Variants in PTPRD observed in about 807,000 individuals in gnomAD.
PTPRD encodes the protein protein tyrosine phosphatase receptor type D, also known as receptor-type tyrosine-protein phosphatase delta.
A neutral mutation model predicts 214.5 loss-of-function variants in PTPRD; 34 were observed. That is an observed-to-expected ratio of 0.16 (90% CI 0.12 to 0.21). The LOEUF (loss-of-function observed/expected upper bound fraction) is 0.21, where lower values mean the gene tolerates loss of function less well. Ranked by LOEUF, PTPRD falls within the 10% of genes least tolerant of loss-of-function variation. The pLI is 1.00. For synonymous variants in PTPRD, 1,128 were observed against 845.7 expected, an observed-to-expected ratio of 1.33 and a Z score of -5.79; for missense variants, 2,545 against 2,398.7, an observed-to-expected ratio of 1.06 and a Z score of -1.27.
At chr9:9,539,578 G>A (rs1015349170) in intron 8 of PTPRD, among the ~76,000 whole-genome samples, 2 of 151,748 alleles carry the variant, frequency 1.3e-5, no homozygotes, top group Admixed American at 6.6e-5. Context: ...GAAACACGCT[G>A]TCTTTAACTA....
chr9:8,532,422 G>A (rs2075946226), intron 14 of PTPRD, among the ~76,000 whole-genome samples: 1 of 151,892 alleles, frequency 6.6e-6, no homozygotes, highest in Non-Finnish European at 1.5e-5. Context: ...AATTTTGACG[G>A]CTCCTCAAAT....
intron 5 of PTPRD, among the ~76,000 whole-genome samples, chr9:9,928,949 C>T (rs1056380289): frequency 3.3e-5 from 5 of 152,184 alleles, no homozygotes; most frequent in African/African-American, 9.6e-5. Flanking sequence ...TTCACAAATA[C>T]AGTAGTTGAT....
In PTPRD at chr9:8,917,249, C is replaced by T. The variant is rs1351824460; in HGVS notation, c.-104+101448G>A. ...GTTCAAGTGATTCTCCTGCCTCAGCCTCCCGAGTAGCTGGGATTACAGGTG... is the reference window on the plus strand; with the variant it reads ...GTTCAAGTGATTCTCCTGCCTCAGCTTCCCGAGTAGCTGGGATTACAGGTG... On this transcript the variant is annotated intron_variant, in intron 11 of 45. Transcript: ENST00000381196. Among the ~76,000 whole-genome samples, 9 of 151,138 alleles carry T rather than the reference C, an allele frequency of 6.0e-5. No homozygotes were observed. In the South Asian group the frequency reaches 6.3e-4, roughly 11 times the overall value.
At chr9:8,588,785 C>T (rs139475759) in intron 14 of PTPRD, among the ~76,000 whole-genome samples, 8 of 152,218 alleles carry the variant, frequency 5.3e-5, no homozygotes, top group Non-Finnish European at 7.4e-5. Context: ...TCAATTTCTT[C>T]ATCAACCAGC....
At chr9:10,066,836 A>T (rs958833192) in intron 3 of PTPRD, among the ~76,000 whole-genome samples, 1 of 151,864 alleles carries the variant, frequency 6.6e-6, no homozygotes, top group East Asian at 1.9e-4. Flanking sequence ...GTGTACTCAT[A>T]TATTCTCACA....
chr9:9,925,366 T>C lies in PTPRD; in HGVS notation c.-368+13141A>G, dbSNP rs189208319. Among the ~76,000 whole-genome samples, 344 of 152,180 alleles carry C rather than the reference T, an allele frequency of 2.3e-3. 5 individuals are homozygous for C. Among genetic ancestry groups the C allele is most frequent in the African/African-American group, 8.1e-3 (336 of 41,538 alleles). ...TATAGTCAAAGTTGAGTTTTTAAGG[T>C]AATATGTCATCTCTAACAGGAGGGT... On this transcript the variant is annotated intron_variant, in intron 5 of 45. Transcript: ENST00000381196.
At chr9:9,744,486 A>G (rs576477765) in intron 6 of PTPRD, among the ~76,000 whole-genome samples, 10 of 152,240 alleles carry the variant, frequency 6.6e-5, no homozygotes, top group African/African-American at 9.6e-5. Flanking sequence ...ACTTACCTCA[A>G]TTTAGTTCAA....
chr9:10,073,120 G>A (rs57919518), intron 3 of PTPRD, among the ~76,000 whole-genome samples: 9,265 of 152,062 alleles, frequency 0.061, 839 homozygotes, highest in African/African-American at 0.19. Flanking sequence ...GGTTATATGG[G>A]GTTTAGTGGA....
chr9:9,111,407 A>G lies in PTPRD; in HGVS notation c.-143+71897T>C, dbSNP rs1254597831. 4.0e-5 allele frequency among the ~76,000 whole-genome samples: 6 copies of G among 151,838 alleles called. No individual in the cohort carries two copies. In the East Asian group the frequency reaches 9.7e-4, roughly 25 times the overall value. On this transcript the variant is annotated intron_variant, in intron 10 of 45. Coordinates refer to ENST00000381196, the MANE Select transcript of PTPRD (RefSeq NM_002839.4). ...AATCTTCTGATCGCCGCCTTCCTAG[A>G]TGGTTTTTCTGTGCCTGCTGGGTGA...
intron 3 of PTPRD, among the ~76,000 whole-genome samples, chr9:10,169,142 T>C (rs182857197): frequency 1.2e-3 from 189 of 152,210 alleles, no homozygotes; most frequent in African/African-American, 4.4e-3. Flanking sequence ...CCCATTAATG[T>C]ATTGATGTCC....
At chr9:8,890,198 C>T (rs2098526993) in intron 11 of PTPRD, among the ~76,000 whole-genome samples, 1 of 152,114 alleles carries the variant, frequency 6.6e-6, no homozygotes, top group South Asian at 2.1e-4. Flanking sequence ...CATGTATGCC[C>T]TTTATCAAGG....
At chr9:9,137,821 G>A (rs563018334) in intron 10 of PTPRD, among the ~76,000 whole-genome samples, 36 of 152,162 alleles carry the variant, frequency 2.4e-4, no homozygotes, top group African/African-American at 8.4e-4. Flanking sequence ...CAAAGAGCAG[G>A]GAATAAAGTT....
At chr9:10,584,907 G>C (rs2132577796) in intron 2 of PTPRD, among the ~76,000 whole-genome samples, 1 of 152,236 alleles carries the variant, frequency 6.6e-6, no homozygotes, top group Middle Eastern at 3.4e-3. Context: ...TCATATGTTA[G>C]ATGCACCTTT....
chr9:9,557,240 G>A (rs1402450551), intron 8 of PTPRD, among the ~76,000 whole-genome samples: 4 of 152,126 alleles, frequency 2.6e-5, no homozygotes, highest in African/African-American at 7.2e-5. Flanking sequence ...GGGGAAGGGT[G>A]TCCAGACATA....
chr9:9,000,352 G>A (rs374895615), intron 11 of PTPRD, among the ~76,000 whole-genome samples: 56 of 152,084 alleles, frequency 3.7e-4, no homozygotes, highest in African/African-American at 1.3e-3. Context: ...CTCTTTCAAT[G>A]TGCAATAGGG....
Position 10,192,800 on chromosome 9 carries a change from A to G in PTPRD, c.-545+148163T>C, listed in dbSNP as rs75554445. Among the ~76,000 whole-genome samples, 951 of 152,268 alleles carry G rather than the reference A, an allele frequency of 6.2e-3. 15 individuals carry two copies. The highest frequency in any genetic ancestry group is 0.021 in the African/African-American group (884 of 41,572). ...ACAAAAATAAGCTTAGCCTGAAACC[A>G]ATGTTAATGAGGATTTCAGAATCAC... On this transcript the variant is annotated intron_variant, in intron 3 of 45. Transcript: ENST00000381196.
chr9:9,200,001 G>C (rs573083905), intron 9 of PTPRD, among the ~76,000 whole-genome samples: 3 of 152,056 alleles, frequency 2.0e-5, no homozygotes, highest in Non-Finnish European at 2.9e-5. Context: ...AGTTGTTATT[G>C]GTCCAGTGGT....
chr9:9,099,890 G>T (rs901106973), intron 10 of PTPRD, among the ~76,000 whole-genome samples: 6 of 152,178 alleles, frequency 3.9e-5, no homozygotes, highest in African/African-American at 1.4e-4. Flanking sequence ...ACTGAAGGGT[G>T]AGGAAGCACT....
chr9:8,960,499 A>T (rs2099153261), intron 11 of PTPRD, among the ~76,000 whole-genome samples: 1 of 152,122 alleles, frequency 6.6e-6, no homozygotes, highest in African/African-American at 2.4e-5. Context: ...GGTACCCAGA[A>T]ATCTGACATC....
Sources: gnomAD v4.1 joint callset for allele counts (sites outside exome capture counted in the v4.1 genomes callset) on GRCh38, gnomAD v4.1.1 for gene constraint, MANE v1.5 for transcripts, NCBI Gene and HGNC (gene_info 2026-07-23, HGNC 2026-07-21) for gene names.